The following DCT variants were observed in gnomAD, a reference collection of about 807,000 sequenced individuals.
DCT encodes the protein L-dopachrome tautomerase.
In DCT, 47 loss-of-function variants were observed where a neutral mutation model predicts 53.0. The observed-to-expected ratio is 0.89, with a 90% CI of 0.70 to 1.13. The LOEUF is 1.13. Ranked by LOEUF, DCT falls within the 50% of genes most tolerant of loss-of-function variation. The pLI is 0.00. For synonymous variants in DCT, 244 were observed against 237.0 expected, an observed-to-expected ratio of 1.03 and a Z score of -0.27; for missense variants, 669 against 637.4, an observed-to-expected ratio of 1.05 and a Z score of -0.53.
chr13:94,464,630 C>A (rs112160892), intron 4 of DCT, among the ~76,000 whole-genome samples: 4 of 150,938 alleles, frequency 2.7e-5, no homozygotes, highest in Non-Finnish European at 5.9e-5. Flanking sequence ...CAGAGTGAGA[C>A]TCCATCTCAA....
upstream of DCT, among the ~76,000 whole-genome samples, chr13:94,482,409 T>C (rs1481911409): frequency 1.3e-5 from 2 of 152,242 alleles, no homozygotes; most frequent in Non-Finnish European, 2.9e-5. Context: ...CTGTCTGGAA[T>C]AATCTTGCTC....
chr13:94,542,030 G>T, the DCT span, among the ~76,000 whole-genome samples: 5 of 152,236 alleles, frequency 3.3e-5, no homozygotes, highest in Admixed American at 2.0e-4. Context: ...GAGTCTACTT[G>T]CCTATCAAAT....
At chr13:94,492,494 C>G in the DCT span, among the ~76,000 whole-genome samples, 2 of 152,028 alleles carry the variant, frequency 1.3e-5, no homozygotes, top group Non-Finnish European at 2.9e-5. Context: ...GGCTTCACTC[C>G]CTGCCTTCTG....
At chr13:94,505,747 C>T in the DCT span, among the ~76,000 whole-genome samples, 60 of 152,206 alleles carry the variant, frequency 3.9e-4, no homozygotes, top group Non-Finnish European at 6.2e-4. Flanking sequence ...TGCTAGCCAA[C>T]ACTATTGTCT....
rs750723500 is a variant in DCT at position 94,478,948 on chromosome 13, G to A, written c.295+13C>T. Reference sequence around the variant, plus strand: ...TCTGGCCCTCCCCACCAAGCTTGGAGCATGGGCCTCACCTGTGCACTTGCA... The same window carrying A: ...TCTGGCCCTCCCCACCAAGCTTGGAACATGGGCCTCACCTGTGCACTTGCA... On this transcript the variant is annotated intron_variant, in intron 1 of 7. Coordinates refer to ENST00000377028, the MANE Select transcript of DCT (RefSeq NM_001922.5). 3.2e-5 allele frequency: 51 copies of A among 1,587,976 alleles called. No homozygotes were observed. The highest frequency in any genetic ancestry group is 4.3e-5 in the Non-Finnish European group (50 of 1,161,776).
chr13:94,503,717 G>T, the DCT span, among the ~76,000 whole-genome samples: 1 of 152,210 alleles, frequency 6.6e-6, no homozygotes, highest in Non-Finnish European at 1.5e-5. Context: ...GCATGGCCCT[G>T]CCTATACCTT....
At chr13:94,442,653 A>G (rs2139273851) in intron 7 of DCT, among the ~76,000 whole-genome samples, 1 of 152,344 alleles carries the variant, frequency 6.6e-6, no homozygotes, top group South Asian at 2.1e-4. Flanking sequence ...TAAGAAATCT[A>G]CAATCTTAAA....
intron 6 of DCT, among the ~76,000 whole-genome samples, chr13:94,448,000 C>A (rs923661476): frequency 2.0e-5 from 3 of 152,140 alleles, no homozygotes; most frequent in Admixed American, 6.5e-5. Context: ...GTAATCCCAG[C>A]ACTTTGGGAA....
the DCT span, among the ~76,000 whole-genome samples, chr13:94,514,278 C>T: frequency 6.6e-6 from 1 of 151,124 alleles, no homozygotes; most frequent in Non-Finnish European, 1.5e-5. Flanking sequence ...ATATGAATTT[C>T]CTCACAGAGA....
chr13:94,466,657 T>A lies in DCT; in HGVS notation c.597A>T (p.Gly199=). The change falls in exon 3 of 8, where the codon GGA becomes GGT. Residue 199 remains glycine (G), a splice_region_variant and synonymous_variant. Transcript: ENST00000377028. ...CTATGGCCCTGTAGGGGCGTCCTGG[T>A]CCTGAAACAATTGGGAAACATATTA... ...HYYSVRDTLL[G]PGRPYRAIDF... is the part of the protein sequence containing the mutation. 1 of 1,587,788 alleles carries A rather than the reference T, an allele frequency of 6.3e-7. No homozygotes were observed. Among genetic ancestry groups the A allele is most frequent in the Non-Finnish European group, 8.6e-7 (1 of 1,168,832 alleles).
At chr13:94,452,368 A>T (rs1883152066) in intron 6 of DCT, among the ~76,000 whole-genome samples, 1 of 152,196 alleles carries the variant, frequency 6.6e-6, no homozygotes, top group Non-Finnish European at 1.5e-5. Context: ...TGCAAATTAA[A>T]ATTTGCTAAA....
At chr13:94,499,497 C>G in the DCT span, among the ~76,000 whole-genome samples, 1 of 151,828 alleles carries the variant, frequency 6.6e-6, no homozygotes, top group East Asian at 1.9e-4. Flanking sequence ...CTCTCCAAAG[C>G]ACCAAGCAGT....
chr13:94,535,241 T>G, the DCT span, among the ~76,000 whole-genome samples: 38 of 152,380 alleles, frequency 2.5e-4, no homozygotes, highest in African/African-American at 9.1e-4. Context: ...TCCTCAGTTG[T>G]ATGTATCACA....
chr13:94,496,826 G>A, the DCT span, among the ~76,000 whole-genome samples: 1 of 152,176 alleles, frequency 6.6e-6, no homozygotes, highest in Non-Finnish European at 1.5e-5. Flanking sequence ...GCTTCTGCAG[G>A]CTCTGGAAAT....
At chr13:94,472,660 C>T (rs117068324) in intron 1 of DCT, among the ~76,000 whole-genome samples, 22,416 of 137,020 alleles carry the variant, frequency 0.16, 1,996 homozygotes, top group Non-Finnish European at 0.2. Flanking sequence ...CAGCTCCCTG[C>T]AACAACCACC....
chr13:94,510,230 G>A, the DCT span, among the ~76,000 whole-genome samples: 2 of 152,106 alleles, frequency 1.3e-5, no homozygotes, highest in Non-Finnish European at 2.9e-5. Context: ...AAAGTCCTAA[G>A]GCCCAGGTCC....
intron 4 of DCT, chr13:94,465,417 CATAACCA>C (rs71657961): frequency 0.13 from 46,089 of 363,388 alleles, 3,209 homozygotes; most frequent in African/African-American, 0.16. Flanking sequence ...GATGGCCAAG[CATAACCA>C]ATTCACAAAT....
chr13:94,498,746 A>G, the DCT span, among the ~76,000 whole-genome samples: 1 of 152,236 alleles, frequency 6.6e-6, no homozygotes, highest in Non-Finnish European at 1.5e-5. Flanking sequence ...TTTTCTGTCT[A>G]GCTAGAGGAT....
rs777691277 is a variant in DCT at position 94,453,453 on chromosome 13, CAAT to C, written c.1179+6635_1179+6637del. Among the ~76,000 whole-genome samples the C allele has an allele frequency of 2.8e-4, 42 of 152,082 alleles. 1 individual carries two copies. Among genetic ancestry groups the C allele is most frequent in the South Asian group, 1.0e-3 (5 of 4,820 alleles). ...ATAAAAATAAAAATTTCACATACAA[CAAT>C]GTTATTTTATTTTTTTACAATATTA... On this transcript the variant is annotated intron_variant, in intron 6 of 7. Transcript: ENST00000377028.
Sources: gnomAD v4.1 joint callset for allele counts (sites outside exome capture counted in the v4.1 genomes callset) on GRCh38, gnomAD v4.1.1 for gene constraint, MANE v1.5 for transcripts, NCBI Gene and HGNC (gene_info 2026-07-23, HGNC 2026-07-21) for gene names.